Variants in DGLUCY observed in about 807,000 individuals in gnomAD.
DGLUCY encodes the protein D-glutamate cyclase, mitochondrial.
DGLUCY carries 58 observed loss-of-function variants against 58.5 expected under a neutral mutation model. That is an observed-to-expected ratio of 0.99 (90% CI 0.80 to 1.23). The LOEUF (loss-of-function observed/expected upper bound fraction) is 1.23, where lower values mean the gene tolerates loss of function less well. Among genes scored for constraint, DGLUCY ranks in the 50% most tolerant of loss-of-function variants. The pLI is 0.00. For synonymous variants in DGLUCY, 325 were observed against 314.1 expected, an observed-to-expected ratio of 1.03 and a Z score of -0.37; for missense variants, 779 against 784.7, an observed-to-expected ratio of 0.99 and a Z score of 0.09.
upstream of DGLUCY, among the ~76,000 whole-genome samples, chr14:91,110,027 C>G (rs114961935): frequency 5.4e-3 from 817 of 152,314 alleles, 4 homozygotes; most frequent in Middle Eastern, 0.017. Context: ...ACAATAGTTA[C>G]CTAGGTTTAA....
chr14:91,144,953 C>T (rs1350264872), intron 1 of DGLUCY, among the ~76,000 whole-genome samples: 1 of 151,982 alleles, frequency 6.6e-6, no homozygotes, highest in Non-Finnish European at 1.5e-5. Context: ...GGGCCTCAGG[C>T]TTTGTGTGAG....
intron 1 of DGLUCY, among the ~76,000 whole-genome samples, chr14:91,091,565 T>C (rs1351128903): frequency 6.6e-6 from 1 of 152,152 alleles, no homozygotes; most frequent in African/African-American, 2.4e-5. Context: ...TTCTGTCCAT[T>C]TGTCTGTTCT....
At chr14:91,207,896 G>A (rs558734868) in intron 12 of DGLUCY, among the ~76,000 whole-genome samples, 3 of 152,210 alleles carry the variant, frequency 2.0e-5, no homozygotes, top group South Asian at 2.1e-4. Context: ...ACAGGCATGC[G>A]CTACCACGCC....
chr14:91,061,579 T>C (rs750943007), intron 1 of DGLUCY, among the ~76,000 whole-genome samples: 3 of 152,202 alleles, frequency 2.0e-5, no homozygotes, highest in Non-Finnish European at 2.9e-5. Context: ...GGAAAGCTTT[T>C]AGGGCAAGGA....
At position 91,186,310 on chromosome 14, in the gene DGLUCY, G is replaced by A. The variant is rs189152548; in HGVS notation, c.935-2600G>A. 4.6e-5 allele frequency among the ~76,000 whole-genome samples: 7 copies of A among 152,096 alleles called. 1 individual carries two copies. The highest frequency in any genetic ancestry group is 2.1e-4 in the South Asian group (1 of 4,800). On this transcript the variant is annotated intron_variant, in intron 8 of 13. Coordinates refer to ENST00000256324, the MANE Select transcript of DGLUCY (RefSeq NM_001102368.3). ...CACCCAGGCTGGAGTGCAGTGGTGC[G>A]ATCTCAGCTCACTGCAGCCTCCGCC...
At chr14:91,073,644 G>A (rs1298832139) in intron 1 of DGLUCY, among the ~76,000 whole-genome samples, 1 of 152,064 alleles carries the variant, frequency 6.6e-6, no homozygotes, top group African/African-American at 2.4e-5. Context: ...AATGCAAAAG[G>A]GTTATCTGGT....
chr14:91,075,692 T>G (rs1595612058), intron 1 of DGLUCY, among the ~76,000 whole-genome samples: 1 of 152,246 alleles, frequency 6.6e-6, no homozygotes, highest in Non-Finnish European at 1.5e-5. Context: ...ATGCGTCTTA[T>G]AATACCTGAA....
intron 12 of DGLUCY, among the ~76,000 whole-genome samples, chr14:91,215,041 C>G (rs950878838): frequency 3.9e-5 from 6 of 152,050 alleles, no homozygotes; most frequent in Non-Finnish European, 8.8e-5. Flanking sequence ...CCCAGCTGCT[C>G]AGGAGGCTGA....
chr14:91,158,029 G>A (rs1050029271), intron 2 of DGLUCY, among the ~76,000 whole-genome samples: 9 of 152,152 alleles, frequency 5.9e-5, no homozygotes, highest in East Asian at 1.9e-4. Flanking sequence ...AAATGAGGAC[G>A]GTTATCAGAG....
At chr14:91,068,067 ACACACGCGCACG>A (rs936473736) in intron 1 of DGLUCY, among the ~76,000 whole-genome samples, 1 of 114,194 alleles carries the variant, frequency 8.8e-6, no homozygotes, top group East Asian at 2.6e-4. Flanking sequence ...GTGCACACAC[ACACACGCGCACG>A]CACACACACA....
At chr14:91,096,509 G>A (rs1341274770) in intron 1 of DGLUCY, among the ~76,000 whole-genome samples, 1 of 152,086 alleles carries the variant, frequency 6.6e-6, no homozygotes, top group Non-Finnish European at 1.5e-5. Flanking sequence ...ACTCCTCCTG[G>A]GGCCAAGTCA....
chr14:91,134,933 T>C (rs1357953241), intron 1 of DGLUCY, among the ~76,000 whole-genome samples: 1 of 152,012 alleles, frequency 6.6e-6, no homozygotes, highest in Non-Finnish European at 1.5e-5. Context: ...ATTTTTTTCT[T>C]TTTCTTTTTG....
chr14:91,185,271 A>AT (rs35639010), intron 8 of DGLUCY, among the ~76,000 whole-genome samples: 3,041 of 38,334 alleles, frequency 0.079, 544 homozygotes, highest in Middle Eastern at 0.21. Context: ...GCCCAGCCGG[A>AT]TTTTTTTTTT....
At chr14:91,086,872 T>G (rs1175066398) in intron 1 of DGLUCY, among the ~76,000 whole-genome samples, 1 of 152,172 alleles carries the variant, frequency 6.6e-6, no homozygotes, top group African/African-American at 2.4e-5. Context: ...TCCTGCCTCA[T>G]CCTCCCAAGT....
intron 1 of DGLUCY, among the ~76,000 whole-genome samples, chr14:91,126,230 T>C (rs568170600): frequency 6.6e-6 from 1 of 152,266 alleles, no homozygotes; most frequent in South Asian, 2.1e-4. Flanking sequence ...GTCAATGTAT[T>C]AGGGGGACTA....
At chr14:91,218,592 G>A (rs1018067670) in intron 13 of DGLUCY, among the ~76,000 whole-genome samples, 3 of 151,746 alleles carry the variant, frequency 2.0e-5, no homozygotes, top group Non-Finnish European at 2.9e-5. Flanking sequence ...TAATGGTGAC[G>A]GGGTTTCACC....
rs4900071 is a variant in DGLUCY, at chr14:91,170,051, C to A, written c.306C>A (p.Gly102=). The change falls in exon 5 of 14, where the codon GGC becomes GGA. Residue 102 remains glycine, a synonymous_variant. Coordinates refer to ENST00000256324, the MANE Select transcript of DGLUCY (RefSeq NM_001102368.3). ...AATACGAGTTCGGTGCCTGCACCGGCAGCCTGGCTTCGCTGGAGCAGTACT... is the reference window on the plus strand; with the variant it reads ...AATACGAGTTCGGTGCCTGCACCGGAAGCCTGGCTTCGCTGGAGCAGTACT... The part of the protein sequence containing the change: ...FWKYEFGACT[G]SLASLEQYSE... 1.2e-5 allele frequency: 19 copies of A among 1,612,188 alleles called. No homozygotes were observed. Among genetic ancestry groups the A allele is most frequent in the Non-Finnish European group, 1.6e-5 (19 of 1,179,980 alleles).
intron 10 of DGLUCY, among the ~76,000 whole-genome samples, chr14:91,199,426 A>AT (rs2050415747): frequency 6.6e-6 from 1 of 151,748 alleles, no homozygotes. Context: ...CGCCCAGCTA[A>AT]TTTTTTAGTA....
At chr14:91,205,151 C>T (rs935271097) in intron 12 of DGLUCY, among the ~76,000 whole-genome samples, 2 of 152,030 alleles carry the variant, frequency 1.3e-5, no homozygotes, top group East Asian at 1.9e-4. Flanking sequence ...GCTTTGGGGG[C>T]GATAGTACAG....
Sources: allele counts gnomAD v4.1 joint callset (sites outside exome capture counted in the v4.1 genomes callset), GRCh38; gene constraint gnomAD v4.1.1; transcripts MANE v1.5; gene names NCBI Gene and HGNC (gene_info 2026-07-23, HGNC 2026-07-21).